Variants in DNAH11 observed in about 807,000 individuals in gnomAD.
DNAH11 encodes the protein dynein axonemal heavy chain 11.
A neutral mutation model predicts 526.0 loss-of-function variants in DNAH11; 442 were observed. The observed-to-expected ratio is 0.84, with a 90% CI of 0.78 to 0.91. The LOEUF is 0.91. Ranked by LOEUF, DNAH11 falls within the 40% of genes least tolerant of loss-of-function variation. The pLI is 0.00. For synonymous variants in DNAH11, 2,461 were observed against 1,935.9 expected (o/e 1.27, Z -7.12); for missense variants, 6,989 against 5,448.7 (o/e 1.28, Z -8.90).
intron 30 of DNAH11, among the ~76,000 whole-genome samples, chr7:21,672,505 T>G (rs1782681774): frequency 6.6e-6 from 1 of 152,202 alleles, no homozygotes; most frequent in South Asian, 2.1e-4. Context: ...TAGGCTGGTC[T>G]CAAACTCCTG....
chr7:21,887,064 C>G (rs1190662450), intron 76 of DNAH11, among the ~76,000 whole-genome samples: 1 of 152,232 alleles, frequency 6.6e-6, no homozygotes, highest in African/African-American at 2.4e-5. Context: ...TGCAGGACAT[C>G]TTTTTGCCAC....
At chr7:21,755,804 T>A (rs1045727292) in intron 54 of DNAH11, among the ~76,000 whole-genome samples, 2 of 152,138 alleles carry the variant, frequency 1.3e-5, no homozygotes, top group Non-Finnish European at 2.9e-5. Flanking sequence ...ATCAAGAATT[T>A]GGTGTATGGA....
At chr7:21,771,499 A>C (rs897111357) in intron 55 of DNAH11, among the ~76,000 whole-genome samples, 1 of 152,208 alleles carries the variant, frequency 6.6e-6, no homozygotes, top group Non-Finnish European at 1.5e-5. Context: ...ACAGTGAGCC[A>C]ACTGAGAGAG....
chr7:21,765,387 C>T lies in DNAH11; in HGVS notation c.8941-41C>T, dbSNP rs751010812. The T allele has an allele frequency of 3.1e-6, 5 of 1,612,228 alleles. No homozygotes were observed. In the South Asian group the frequency reaches 4.4e-5, roughly 14 times the overall value. ...ATTGCAATGTAATTCTCTGCTCATTCATCACCCGCCTGTTTCTGCCTTGCC... is the reference window on the plus strand; with the variant it reads ...ATTGCAATGTAATTCTCTGCTCATTTATCACCCGCCTGTTTCTGCCTTGCC... On this transcript the variant is annotated intron_variant, in intron 54 of 81. Transcript: ENST00000409508.
intron 7 of DNAH11, among the ~76,000 whole-genome samples, chr7:21,571,551 A>G (rs991200214): frequency 2.6e-5 from 4 of 152,170 alleles, no homozygotes; most frequent in Non-Finnish European, 5.9e-5. Flanking sequence ...AAGTGCTGGT[A>G]TTACAAGCGT....
Position 21,680,389 on chromosome 7 carries a change from T to C in DNAH11, c.5329-1157T>C, listed in dbSNP as rs73063704. ...TGATACCTGGAATAAGGCAGAAATA[T>C]TGTTTTTGTAAATAAGGCTTGAGTA... On this transcript the variant is annotated intron_variant, in intron 30 of 81. Coordinates refer to ENST00000409508, the MANE Select transcript of DNAH11 (RefSeq NM_001277115.2). 5.4e-3 allele frequency among the ~76,000 whole-genome samples: 822 copies of C among 152,310 alleles called. 3 individuals are homozygous for C. The highest frequency in any genetic ancestry group is 7.4e-3 in the Non-Finnish European group (505 of 68,024).
chr7:21,774,054 T>C (rs1457536715), intron 56 of DNAH11, 55 bp downstream of exon 56: 7 of 1,408,264 alleles, frequency 5.0e-6, no homozygotes, highest in Non-Finnish European at 6.6e-6. Flanking sequence ...AACAGAAAAA[T>C]ATATTTCCTT....
Position 21,818,348 on chromosome 7 carries a change from T to A in DNAH11, c.10691+9T>A. 1 of 1,606,128 alleles carries A rather than the reference T, an allele frequency of 6.2e-7. No individual in the cohort carries two copies. The highest frequency in any genetic ancestry group is 8.5e-7 in the Non-Finnish European group (1 of 1,177,198). Reference sequence around the variant, plus strand: ...ACAATTAAAAAAGGAAAGTAAGTATTCTTGAATTTTTAACATATATATCTT... The same window carrying A: ...ACAATTAAAAAAGGAAAGTAAGTATACTTGAATTTTTAACATATATATCTT... On this transcript the variant is annotated intron_variant, in intron 65 of 81. Transcript: ENST00000409508.
Position 21,601,176 on chromosome 7 carries a change from A to G in DNAH11, c.3422A>G (p.Asp1141Gly). The change falls in exon 17 of 82, where the codon GAC becomes GGC. Residue 1141 changes from aspartate (D) to glycine (G), a missense_variant. By Grantham distance (94) the Asp-to-Gly change is moderately conservative. Transcript: ENST00000409508. The stretch of plus-strand genomic sequence containing the variant: ...GAGCATCTTTTGAGATTTGTCATTG[A>G]CAGGTAGCCTTTTACTTTGGTTTTT... ...FQEHLLRFVIDSLNELQEFIK... is the reference protein window; with the variant it reads ...FQEHLLRFVIGSLNELQEFIK... 1 of 1,589,240 alleles carries G rather than the reference A, an allele frequency of 6.3e-7. No individual in the cohort carries two copies. The highest frequency in any genetic ancestry group is 2.2e-5 in the East Asian group (1 of 44,730).
intron 65 of DNAH11, among the ~76,000 whole-genome samples, chr7:21,825,903 G>A (rs1314011873): frequency 6.6e-6 from 1 of 151,054 alleles, no homozygotes; most frequent in Non-Finnish European, 1.5e-5. Context: ...AGCTCGCAGT[G>A]AGCCAAGATG....
chr7:21,843,315 A>G (rs116939330), intron 66 of DNAH11, among the ~76,000 whole-genome samples: 1 of 152,282 alleles, frequency 6.6e-6, no homozygotes, highest in East Asian at 1.9e-4. Context: ...TTAACAAAAT[A>G]AAAAAGCTAG....
intron 25 of DNAH11, among the ~76,000 whole-genome samples, chr7:21,633,045 C>G (rs552325372): frequency 2.6e-4 from 39 of 152,308 alleles, no homozygotes; most frequent in African/African-American, 8.7e-4. Context: ...GACAAGACAG[C>G]TTGTGCTGGC....
At chr7:21,565,136 T>A (rs565681925) in intron 6 of DNAH11, among the ~76,000 whole-genome samples, 22 of 152,308 alleles carry the variant, frequency 1.4e-4, no homozygotes, top group African/African-American at 5.1e-4. Context: ...AAATTTATTT[T>A]CTCACAGTTC....
chr7:21,899,299 G>A, intron 79 of DNAH11, 37 bp from the exon 80 acceptor site: 2 of 1,555,534 alleles, frequency 1.3e-6, no homozygotes, highest in Non-Finnish European at 1.8e-6. Flanking sequence ...CTATTTTACT[G>A]AACAGCAAGT....
rs1222163729 is a variant in DNAH11, at chr7:21,778,827, G to GA, written c.9337-127dup. 75 of 1,102,418 alleles carry GA rather than the reference G, an allele frequency of 6.8e-5. No individual in the cohort carries two copies. The African/African-American group carries it at 1.1e-3, about 17-fold the overall frequency. 68.3% of individuals were successfully genotyped at this position (1,102,418 alleles called of 1,614,324 possible). ...GCATTTTTGCAAATCAGAAGACAGT[G>GA]AAAATCAGGGTAGAGACAGATGCAA... On this transcript the variant is annotated intron_variant, in intron 56 of 81. Transcript: ENST00000409508.
rs1783271970 is a variant in DNAH11, at chr7:21,866,262, G to A, written c.11497-208G>A. Among the ~76,000 whole-genome samples, 4 of 150,302 alleles carry A rather than the reference G, an allele frequency of 2.7e-5. 1 individual carries two copies. In the Admixed American group the frequency reaches 2.7e-4, roughly 10 times the overall value. On this transcript the variant is annotated intron_variant, in intron 70 of 81. Coordinates refer to ENST00000409508, the MANE Select transcript of DNAH11 (RefSeq NM_001277115.2). ...GCTTTCTGTTGGCCAAACCCAACTAGGTCAGGGAACCAGGGAACTCAGCTC... is the reference window on the plus strand; with the variant it reads ...GCTTTCTGTTGGCCAAACCCAACTAAGTCAGGGAACCAGGGAACTCAGCTC...
At chr7:21,784,738 C>G (rs1788100854) in intron 58 of DNAH11, among the ~76,000 whole-genome samples, 198 bp downstream of exon 58, 1 of 152,188 alleles carries the variant, frequency 6.6e-6, no homozygotes, top group African/African-American at 2.4e-5. Context: ...CCATCCAGGA[C>G]CCTGTTCTAC....
At chr7:21,867,838 T>TC (rs766143999) in intron 71 of DNAH11, 21 bp from the exon 72 acceptor site, 1 of 1,553,940 alleles carries the variant, frequency 6.4e-7, no homozygotes. Flanking sequence ...GATCATGTTT[T>TC]TATATTCTTG....
chr7:21,752,600 G>T (rs1171166188), intron 54 of DNAH11, among the ~76,000 whole-genome samples: 1 of 152,028 alleles, frequency 6.6e-6, no homozygotes, highest in Non-Finnish European at 1.5e-5. Flanking sequence ...TTTTTTAAAG[G>T]TTTACATGTT....
Sources: gnomAD v4.1 joint callset for allele counts (sites outside exome capture counted in the v4.1 genomes callset) on GRCh38, gnomAD v4.1.1 for gene constraint, MANE v1.5 for transcripts, NCBI Gene and HGNC (gene_info 2026-07-23, HGNC 2026-07-21) for gene names.